Variants in UNC13B observed in about 807,000 individuals in gnomAD.
UNC13B encodes unc-13 homolog B.
A neutral mutation model predicts 211.0 loss-of-function variants in UNC13B; 144 were observed. The ratio of observed to expected loss-of-function variants is 0.68; its 90% CI spans 0.60 to 0.78. The LOEUF (loss-of-function observed/expected upper bound fraction) is 0.78, where lower values mean the gene tolerates loss of function less well. Ranked by LOEUF, UNC13B falls within the 30% of genes least tolerant of loss-of-function variation. UNC13B has a pLI of 0.00. For synonymous variants in UNC13B, 709 were observed against 725.8 expected, an observed-to-expected ratio of 0.98 and a Z score of 0.37; for missense variants, 1,777 against 2,002.0, an observed-to-expected ratio of 0.89 and a Z score of 2.14.
intron 1 of UNC13B, among the ~76,000 whole-genome samples, chr9:35,193,627 C>T (rs531117316): frequency 7.1e-6 from 1 of 141,590 alleles, no homozygotes; most frequent in East Asian, 2.1e-4. Context: ...AATTGCACTC[C>T]AGCCTGGGTG....
chr9:35,252,302 A>C (rs1321628284), intron 6 of UNC13B, among the ~76,000 whole-genome samples: 1 of 72,972 alleles, frequency 1.4e-5, no homozygotes, highest in Non-Finnish European at 2.7e-5. Context: ...CTATTTTATT[A>C]GAGTCTGAAA....
rs1820804721 is a variant in UNC13B at position 35,162,055 on chromosome 9, C to T, written c.-229C>T. On this transcript the variant is annotated 5_prime_UTR_variant, in exon 1 of 40. Coordinates refer to ENST00000635942, the MANE Select transcript of UNC13B (RefSeq NM_001371189.2). ...CCAGCGATGGCGTCGCTGTGCCGCG[C>T]CCAGTCCCCAGCCTGCCGGCCGGTA... is the stretch of plus-strand genomic sequence containing the variant. 1.7e-6 allele frequency: 1 copy of T among 582,900 alleles called. No individual in the cohort carries two copies. The highest frequency in any genetic ancestry group is 2.9e-6 in the Non-Finnish European group (1 of 342,072). 36.1% of individuals were successfully genotyped at this position (582,900 alleles called of 1,614,324 possible).
At chr9:35,277,983 A>G (rs892155740) in intron 7 of UNC13B, among the ~76,000 whole-genome samples, 11 of 152,166 alleles carry the variant, frequency 7.2e-5, no homozygotes, top group African/African-American at 2.7e-4. Context: ...TTCCAGAAAC[A>G]TATGTTTAGA....
At chr9:35,174,266 T>C (rs1821492718) in intron 1 of UNC13B, among the ~76,000 whole-genome samples, 1 of 151,696 alleles carries the variant, frequency 6.6e-6, no homozygotes, top group Admixed American at 6.6e-5. Context: ...CAGGTGATTC[T>C]CCTACCTTAG....
At chr9:35,311,487 A>G (rs1229501509) in intron 10 of UNC13B, among the ~76,000 whole-genome samples, 1 of 152,160 alleles carries the variant, frequency 6.6e-6, no homozygotes, top group African/African-American at 2.4e-5. Context: ...AACTTGTTCA[A>G]AGGGGTTGGT....
intron 21 of UNC13B, among the ~76,000 whole-genome samples, chr9:35,383,251 T>G (rs1834977678): frequency 6.6e-6 from 1 of 152,238 alleles, no homozygotes; most frequent in African/African-American, 2.4e-5. Context: ...GTGTCCAGAC[T>G]GTTTTCCCTA....
chr9:35,342,190 C>T, intron 11 of UNC13B: 2 of 985,626 alleles, frequency 2.0e-6, no homozygotes, highest in East Asian at 2.3e-4. Context: ...TGCTTTGGCT[C>T]AGAAAGTTCG....
chr9:35,286,837 C>T (rs1394774928), intron 7 of UNC13B, among the ~76,000 whole-genome samples: 4 of 152,150 alleles, frequency 2.6e-5, no homozygotes, highest in Non-Finnish European at 5.9e-5. Flanking sequence ...CGCAAATCCA[C>T]AGGGCAGAAG....
At position 35,174,227 on chromosome 9, in the gene UNC13B, A is replaced by G. The variant is rs533543646; in HGVS notation, c.22+11922A>G. Among the ~76,000 whole-genome samples the G allele has an allele frequency of 2.7e-5, 4 of 150,818 alleles. No individual in the cohort carries two copies. In the South Asian group the frequency reaches 8.5e-4, roughly 32 times the overall value. ...GGCTGGAGTGCAGTGATTTGATCCC[A>G]GCTCACTGCAGCCTCAACTTCCAGG... On this transcript the variant is annotated intron_variant, in intron 1 of 39. Transcript: ENST00000635942.
At chr9:35,310,402 CCTTT>C in intron 9 of UNC13B, 61 bp from the exon 10 acceptor site, 1 of 1,524,832 alleles carries the variant, frequency 6.6e-7, no homozygotes, top group Admixed American at 1.8e-5. Context: ...CTGGATGTCT[CCTTT>C]CTTTTGTCCT....
intron 16 of UNC13B, among the ~76,000 whole-genome samples, 172 bp downstream of exon 16, chr9:35,377,867 G>A (rs1389674782): frequency 2.6e-5 from 4 of 152,184 alleles, no homozygotes; most frequent in African/African-American, 7.2e-5. Flanking sequence ...CCCTGGTGCC[G>A]GAGAGGCAAG....
intron 3 of UNC13B, among the ~76,000 whole-genome samples, chr9:35,235,826 A>G (rs535595852): frequency 6.6e-6 from 1 of 152,324 alleles, no homozygotes; most frequent in East Asian, 1.9e-4. Flanking sequence ...ACAATAAAAC[A>G]TATAAAACTG....
intron 1 of UNC13B, among the ~76,000 whole-genome samples, chr9:35,215,444 A>G (rs1564072608): frequency 6.6e-6 from 1 of 152,316 alleles, no homozygotes; most frequent in East Asian, 1.9e-4. Flanking sequence ...TAAAACTACT[A>G]TAATTTTAAT....
intron 1 of UNC13B, among the ~76,000 whole-genome samples, chr9:35,225,823 T>C (rs1824804943): frequency 6.6e-6 from 1 of 152,140 alleles, no homozygotes; most frequent in Admixed American, 6.5e-5. Flanking sequence ...CCAGGTGGTA[T>C]GCTTGGGTGC....
At chr9:35,217,486 T>TCA (rs1160306575) in intron 1 of UNC13B, among the ~76,000 whole-genome samples, 9 of 151,840 alleles carry the variant, frequency 5.9e-5, no homozygotes, top group Admixed American at 3.3e-4. Flanking sequence ...CCTCCTGGGT[T>TCA]CACGCCATTG....
At chr9:35,282,902 C>T (rs1310285800) in intron 7 of UNC13B, among the ~76,000 whole-genome samples, 1 of 152,114 alleles carries the variant, frequency 6.6e-6, no homozygotes, top group Admixed American at 6.6e-5. Flanking sequence ...ATAAGTTTAG[C>T]TTAACACACT....
intron 5 of UNC13B, among the ~76,000 whole-genome samples, chr9:35,241,675 T>C (rs979888324): frequency 1.3e-5 from 2 of 152,078 alleles, no homozygotes; most frequent in Non-Finnish European, 2.9e-5. Flanking sequence ...ACTTAGTATA[T>C]CTTGGTGAAT....
intron 1 of UNC13B, among the ~76,000 whole-genome samples, chr9:35,185,942 A>C (rs936272910): frequency 6.6e-6 from 1 of 151,816 alleles, no homozygotes; most frequent in Non-Finnish European, 1.5e-5. Flanking sequence ...GAAAAAAAAA[A>C]AACAACACAG....
intron 6 of UNC13B, among the ~76,000 whole-genome samples, chr9:35,245,336 TG>T (rs1283970669): frequency 6.6e-6 from 1 of 151,652 alleles, no homozygotes; most frequent in African/African-American, 2.4e-5. Context: ...TTTTGCTTTC[TG>T]TTTTTTTTTT....
Sources: gnomAD v4.1 joint callset for allele counts (sites outside exome capture counted in the v4.1 genomes callset) on GRCh38, gnomAD v4.1.1 for gene constraint, MANE v1.5 for transcripts, NCBI Gene and HGNC (gene_info 2026-07-23, HGNC 2026-07-21) for gene names.